The following CEP170B variants were observed in gnomAD, a reference collection of about 807,000 sequenced individuals.
CEP170B encodes the protein centrosomal protein 170B, also known as centrosomal protein of 170 kDa protein B.
Under a neutral mutation model 120.6 loss-of-function variants are expected in CEP170B, and 55 were observed. The ratio of observed to expected loss-of-function variants is 0.46; its 90% CI spans 0.37 to 0.57. The LOEUF (loss-of-function observed/expected upper bound fraction) is 0.57. Among genes scored for constraint, CEP170B ranks in the 20% least tolerant of loss-of-function variants. The pLI, the probability that CEP170B is intolerant of heterozygous loss-of-function variation, is 0.00. For missense variants in CEP170B, 2,212 were observed against 2,253.3 expected (o/e 0.98, Z 0.37); for synonymous variants, 1,033 against 954.5 (o/e 1.08, Z -1.52).
At chr14:104,894,000 G>A in intron 16 of CEP170B, 151 bp downstream of exon 16, 2 of 774,242 alleles carry the variant, frequency 2.6e-6, no homozygotes, top group Non-Finnish European at 4.2e-6. Flanking sequence ...CGTGTATGTG[G>A]CTCCCAGCAG....
chr14:104,890,593 AG>A (rs1896788003), intron 13 of CEP170B, among the ~76,000 whole-genome samples: 1 of 26,922 alleles, frequency 3.7e-5, no homozygotes, highest in Non-Finnish European at 7.7e-5. Context: ...TGGATGGGTG[AG>A]TGAGTGGGTG....
chr14:104,896,335 G>T lies in CEP170B; in HGVS notation c.*1377G>T, dbSNP rs1437075959. ...TGTTTACGTGTGTGTGTGAGGGGGGGCGGGGGTGGCAGGTGTCCCCCCCTG... is the reference window on the plus strand; with the variant it reads ...TGTTTACGTGTGTGTGTGAGGGGGGTCGGGGGTGGCAGGTGTCCCCCCCTG... On this transcript the variant is annotated 3_prime_UTR_variant, in exon 19 of 19. Coordinates refer to ENST00000414716, the MANE Select transcript of CEP170B (RefSeq NM_001112726.3). The T allele has an allele frequency of 2.9e-5, 10 of 339,854 alleles. No homozygotes were observed. In the Admixed American group the frequency reaches 3.9e-4, roughly 13 times the overall value. 21.1% of individuals were successfully genotyped at this position (339,854 alleles called of 1,614,324 possible).
intron 6 of CEP170B, 137 bp downstream of exon 6, chr14:104,880,562 AC>A: frequency 4.6e-6 from 6 of 1,307,304 alleles, no homozygotes; most frequent in Non-Finnish European, 6.2e-6. Flanking sequence ...CTTTGCACAC[AC>A]CTACCCTTGC....
chr14:104,872,016 C>T (rs1203100651), intron 2 of CEP170B, among the ~76,000 whole-genome samples: 4 of 152,222 alleles, frequency 2.6e-5, no homozygotes, highest in African/African-American at 4.8e-5. Context: ...TGGTGCCCAG[C>T]GAACAGGCGT....
Position 104,877,982 on chromosome 14 carries a change from TC to T in CEP170B, c.274+22del, listed in dbSNP as rs771425846. 5.7e-6 allele frequency: 9 copies of T among 1,584,736 alleles called. No homozygotes were observed. The highest frequency in any genetic ancestry group is 2.3e-5 in the East Asian group (1 of 44,102). ...GGCTACGATATCCTGCCCCTGAGCG[TC>T]CCTCCTCCTGGGCTTCTTCTCAGTC... is the stretch of plus-strand genomic sequence containing the variant. On this transcript the variant is annotated intron_variant, in intron 4 of 18. Transcript: ENST00000414716.
Position 104,886,316 on chromosome 14 carries a change from C to A in CEP170B, c.2077C>A (p.Leu693Met). The change falls in exon 12 of 19, where the codon CTG becomes ATG. Residue 693 changes from leucine to methionine, a missense_variant. Around this residue, in one of 2 missense-constraint regions of CEP170B, gnomAD observed 2,166 missense variants for 2,166.7 expected, o/e 1.00. Transcript: ENST00000414716. ...GRRGGEPEGS[L>M]PVRMRRRLPQ... The stretch of plus-strand genomic sequence containing the variant: ...TAGAGGCGGGGAGCCGGAGGGGTCC[C>A]TGCCTGTGCGCATGCGGCGACGGCT... 1 of 1,548,252 alleles carries A rather than the reference C, an allele frequency of 6.5e-7. No homozygotes were observed. The highest frequency in any genetic ancestry group is 1.4e-5 in the African/African-American group (1 of 73,908).
At chr14:104,885,282 T>A in intron 9 of CEP170B, 87 bp from the exon 10 acceptor site, 2 of 1,408,646 alleles carry the variant, frequency 1.4e-6, no homozygotes, top group Non-Finnish European at 1.9e-6. Context: ...CTGCTCTCCC[T>A]GTGGCCTGGG....
At chr14:104,873,288 T>G (rs1895672629) in intron 2 of CEP170B, among the ~76,000 whole-genome samples, 2 of 53,008 alleles carry the variant, frequency 3.8e-5, no homozygotes, top group Non-Finnish European at 7.0e-5. Context: ...CGGAAGCTGG[T>G]GTGGGCCGGG....
Position 104,887,990 on chromosome 14 carries a change from G to A in CEP170B, c.3739+12G>A, listed in dbSNP as rs1345551871. On this transcript the variant is annotated intron_variant, in intron 12 of 18. Transcript: ENST00000414716. Reference sequence around the variant, plus strand: ...CCGATACACCTCCAGTGAGTGCCAGGGCGGGTGGGAGGCCAGGGCCAAGAC... The same window carrying A: ...CCGATACACCTCCAGTGAGTGCCAGAGCGGGTGGGAGGCCAGGGCCAAGAC... The A allele has an allele frequency of 2.0e-6, 3 of 1,474,534 alleles. No homozygotes were observed. Among genetic ancestry groups the A allele is most frequent in the Non-Finnish European group, 2.7e-6 (3 of 1,112,286 alleles). The allele number at this position is 1,474,534 out of a possible 1,614,324, so 91.3% of individuals were successfully genotyped here. A position where few individuals can be genotyped will look rare whatever the true frequency, so the allele number is the denominator to read the frequency against.
intron 18 of CEP170B, 58 bp downstream of exon 18, chr14:104,894,646 C>T: frequency 2.5e-6 from 4 of 1,587,694 alleles, no homozygotes; most frequent in Non-Finnish European, 1.7e-6. Flanking sequence ...TGTGGGGAAC[C>T]CTGACTCACA....
intron 13 of CEP170B, among the ~76,000 whole-genome samples, chr14:104,890,320 G>A (rs1410076000): frequency 1.4e-5 from 2 of 145,138 alleles, no homozygotes; most frequent in Non-Finnish European, 3.0e-5. Context: ...GTGGGTGGGT[G>A]GGTGGATGGA....
At chr14:104,876,172 A>C (rs1895834981) in intron 2 of CEP170B, 84 bp from the exon 3 acceptor site, 1 of 1,260,278 alleles carries the variant, frequency 7.9e-7, no homozygotes, top group Non-Finnish European at 1.1e-6. Flanking sequence ...GTGCTGGGGC[A>C]GGGGATGGAG....
intron 6 of CEP170B, among the ~76,000 whole-genome samples, chr14:104,881,005 C>T (rs1023834152): frequency 6.6e-6 from 1 of 152,196 alleles, no homozygotes; most frequent in Non-Finnish European, 1.5e-5. Context: ...GGTGGGCCAC[C>T]AGCTGGGCAC....
chr14:104,879,415 T>G (rs1007754385), intron 5 of CEP170B, among the ~76,000 whole-genome samples: 1 of 152,284 alleles, frequency 6.6e-6, no homozygotes, highest in South Asian at 2.1e-4. Context: ...CACTTCAGGC[T>G]GAGAGGATTT....
In CEP170B at chr14:104,886,795, G is replaced by A. The variant is rs777492438; in HGVS notation, c.2556G>A (p.Arg852=). 79 of 1,611,448 alleles carry A rather than the reference G, an allele frequency of 4.9e-5. No individual in the cohort carries two copies. Among genetic ancestry groups the A allele is most frequent in the Non-Finnish European group, 6.4e-5 (76 of 1,179,830 alleles). The change falls in exon 12 of 19, where the codon CGG becomes CGA. Residue 852 remains arginine (R), a synonymous_variant. Coordinates refer to ENST00000414716, the MANE Select transcript of CEP170B (RefSeq NM_001112726.3). ...TGGTCATCCAGCTACGGCCTGGACGGTCCCCAGAACCCGACGGCCCTGCCC... is the reference window on the plus strand; with the variant it reads ...TGGTCATCCAGCTACGGCCTGGACGATCCCCAGAACCCGACGGCCCTGCCC... ...GRMVIQLRPG[R]SPEPDGPAPA... is the part of the protein sequence containing the mutation.
rs1897003215 is a variant in CEP170B, at chr14:104,894,764, A to C, written c.4471A>C (p.Arg1491=). ...SGSLDLLTGN[R]SLASSAQPGL... ...GAGCCTGGACCTGCTCACAGGAAAC[A>C]GGAGCTTGGCCAGCTCTGCACAGCC... The change falls in exon 19 of 19, where the codon AGG becomes CGG. Residue 1491 remains arginine, a synonymous_variant. Transcript: ENST00000414716. 3.7e-6 allele frequency: 6 copies of C among 1,602,796 alleles called. No homozygotes were observed. In the South Asian group the frequency reaches 5.5e-5, roughly 15 times the overall value.
intron 12 of CEP170B, among the ~76,000 whole-genome samples, chr14:104,888,818 G>A (rs573091282): frequency 2.6e-5 from 4 of 152,364 alleles, no homozygotes; most frequent in Admixed American, 6.5e-5. Context: ...CAGGCCTTGC[G>A]TATGGCTGGA....
In CEP170B at chr14:104,870,448, C is replaced by T. The variant is rs967904887; in HGVS notation, c.105+1893C>T. Among the ~76,000 whole-genome samples the T allele has an allele frequency of 1.3e-5, 2 of 152,210 alleles. No individual in the cohort carries two copies. The highest frequency in any genetic ancestry group is 2.9e-5 in the Non-Finnish European group (2 of 68,034). ...TTTGGCGGGTTGCTCCCATGGTCTG[C>T]GTACAGGGGTGGCATCAGTGATGGC... On this transcript the variant is annotated intron_variant, in intron 2 of 18. Transcript: ENST00000414716. This position sits in a 1 kb window ranked among gnomAD's most constrained non-coding sequence, Gnocchi z 4.1.
chr14:104,875,481 A>C (rs1018749355), intron 2 of CEP170B, among the ~76,000 whole-genome samples: 2 of 151,994 alleles, frequency 1.3e-5, no homozygotes, highest in African/African-American at 2.4e-5. Flanking sequence ...CCAGAGCCCC[A>C]GGCAGCACAG....
Sources: gnomAD v4.1 joint callset for allele counts (sites outside exome capture counted in the v4.1 genomes callset) on GRCh38, gnomAD v4.1.1 for gene constraint, gnomAD v4.1.1 regional missense constraint, Gnocchi (gnomAD v3.1) non-coding constraint, MANE v1.5 for transcripts, NCBI Gene and HGNC (gene_info 2026-07-23, HGNC 2026-07-21) for gene names.